RACGAP1: variants seen among roughly 807,000 people sequenced by gnomAD.
RACGAP1 encodes rac GTPase-activating protein 1.
Under a neutral mutation model 78.1 loss-of-function variants are expected in RACGAP1, and 30 were observed. The observed-to-expected ratio is 0.38, with a 90% CI of 0.29 to 0.52. RACGAP1 has a LOEUF of 0.52. RACGAP1 is among the 20% of genes least tolerant of loss of function. RACGAP1 has a pLI of 0.82. For synonymous variants in RACGAP1, 231 were observed against 264.8 expected (o/e 0.87, Z 1.24); for missense variants, 587 against 777.1 (o/e 0.76, Z 2.91).
chr12:50,011,331 C>CAAAAAAAAAAAAAA, intron 2 of RACGAP1, among the ~76,000 whole-genome samples: 1 of 71,486 alleles, frequency 1.4e-5, no homozygotes, highest in East Asian at 4.8e-4. Flanking sequence ...GAGACTGTCT[C>CAAAAAAAAAAAAAA]AAAAAAAAAA....
At chr12:50,025,085 T>C (rs1950214552) in intron 1 of RACGAP1, among the ~76,000 whole-genome samples, 1 of 151,890 alleles carries the variant, frequency 6.6e-6, no homozygotes, top group Non-Finnish European at 1.5e-5. Context: ...ACTCTTAAAC[T>C]CGTATCTGAC....
At chr12:50,003,264 G>A (rs933497926) in intron 5 of RACGAP1, among the ~76,000 whole-genome samples, 1 of 152,082 alleles carries the variant, frequency 6.6e-6, no homozygotes, top group Non-Finnish European at 1.5e-5. Flanking sequence ...ACTTCCCCAA[G>A]TCATGGTCCA....
upstream of RACGAP1, among the ~76,000 whole-genome samples, chr12:50,028,319 A>G (rs1301077330): frequency 6.6e-6 from 1 of 152,174 alleles, no homozygotes; most frequent in Non-Finnish European, 1.5e-5. Flanking sequence ...TTTCCCTTAC[A>G]CCTCAATTAC....
chr12:50,029,409 AC>A (rs1950311105), upstream of RACGAP1, among the ~76,000 whole-genome samples: 1 of 151,222 alleles, frequency 6.6e-6, no homozygotes, highest in African/African-American at 2.4e-5. Flanking sequence ...AAACAAACAA[AC>A]AAACAAAAAA....
At chr12:50,007,842 C>G (rs1365675371) in intron 2 of RACGAP1, among the ~76,000 whole-genome samples, 17 of 150,620 alleles carry the variant, frequency 1.1e-4, no homozygotes, top group Non-Finnish European at 5.9e-5. Flanking sequence ...AAAAATATTA[C>G]AATTCAAATA....
chr12:49,990,430 A>AT, intron 16 of RACGAP1, 87 bp from the exon 17 acceptor site: 1 of 1,199,278 alleles, frequency 8.3e-7, no homozygotes, highest in Non-Finnish European at 1.2e-6. Flanking sequence ...ATAACCCATT[A>AT]TAAGTAGGAA....
chr12:50,032,575 G>C (rs976658664), intron 1 of RACGAP1, among the ~76,000 whole-genome samples: 3 of 151,984 alleles, frequency 2.0e-5, no homozygotes, highest in South Asian at 2.1e-4. Flanking sequence ...GTGAAGCGGG[G>C]TGGCGTGGGG....
At chr12:50,010,687 C>T (rs545336949) in intron 2 of RACGAP1, among the ~76,000 whole-genome samples, 5 of 151,742 alleles carry the variant, frequency 3.3e-5, no homozygotes, top group South Asian at 4.2e-4. Flanking sequence ...AATCCCAGCA[C>T]TTTGGGAGGC....
chr12:50,020,344 A>AT (rs60664308), intron 1 of RACGAP1, among the ~76,000 whole-genome samples: 138,442 of 147,398 alleles, frequency 0.94, 65,438 homozygotes, highest in East Asian at 1. Flanking sequence ...GGCCCAGCTA[A>AT]TTTTTTTTTT....
At chr12:50,015,990 A>G (rs1949653599) in intron 2 of RACGAP1, among the ~76,000 whole-genome samples, 1 of 151,996 alleles carries the variant, frequency 6.6e-6, no homozygotes, top group Non-Finnish European at 1.5e-5. Context: ...AAAAAAAGAC[A>G]ACTACTACTC....
chr12:49,996,324 G>A (rs1948259125), intron 10 of RACGAP1, among the ~76,000 whole-genome samples: 1 of 150,642 alleles, frequency 6.6e-6, no homozygotes. Flanking sequence ...AAAAAAGAGA[G>A]ACATTAAAAA....
At chr12:50,016,883 T>A in intron 1 of RACGAP1, 164 bp from the exon 2 acceptor site, 1 of 1,375,524 alleles carries the variant, frequency 7.3e-7, no homozygotes, top group Non-Finnish European at 9.5e-7. Context: ...ATTCTTATTA[T>A]AAAAACAAAC....
intron 6 of RACGAP1, among the ~76,000 whole-genome samples, chr12:50,001,534 CCTAA>C (rs759915295): frequency 1.3e-5 from 2 of 152,106 alleles, no homozygotes; most frequent in Non-Finnish European, 2.9e-5. Context: ...CAGCTGTAAT[CCTAA>C]CTAAGGACAT....
intron 2 of RACGAP1, among the ~76,000 whole-genome samples, chr12:50,014,333 T>G (rs1439106850): frequency 2.0e-5 from 3 of 152,226 alleles, no homozygotes; most frequent in African/African-American, 7.2e-5. Context: ...TTATTCTTTC[T>G]TGCTAATTTA....
upstream of RACGAP1, among the ~76,000 whole-genome samples, chr12:50,028,149 A>G (rs922225397): frequency 5.3e-5 from 8 of 152,216 alleles, no homozygotes; most frequent in African/African-American, 1.9e-4. Flanking sequence ...GTAAAGGTAG[A>G]CTCTCTATTT....
Position 50,006,330 on chromosome 12 carries a change from T to C in RACGAP1, c.288+104A>G. ...AAAGAACAGGTCACTTTCAGTTCTT[T>C]AATGTGGAAGAAGAAACTAGGTATA... On this transcript the variant is annotated intron_variant, in intron 3 of 16. Coordinates refer to ENST00000312377, the MANE Select transcript of RACGAP1 (RefSeq NM_001319999.2). The C allele has an allele frequency of 2.4e-6, 3 of 1,273,500 alleles. No homozygotes were observed. In the Admixed American group the frequency reaches 5.2e-5, roughly 22 times the overall value. 78.9% of individuals were successfully genotyped at this position (1,273,500 alleles called of 1,614,324 possible).
chr12:50,011,327 GTC>G (rs1356044869), intron 2 of RACGAP1, among the ~76,000 whole-genome samples: 2 of 130,122 alleles, frequency 1.5e-5, no homozygotes, highest in Admixed American at 1.7e-4. Flanking sequence ...GAGTGAGACT[GTC>G]TCAAAAAAAA....
chr12:50,029,662 G>A (rs1428932729), upstream of RACGAP1, among the ~76,000 whole-genome samples: 1 of 152,146 alleles, frequency 6.6e-6, no homozygotes, highest in Non-Finnish European at 1.5e-5. Flanking sequence ...GGGAGGCCGA[G>A]GTGGGCAGAT....
chr12:50,017,079 C>A, intron 1 of RACGAP1: 1 of 1,014,954 alleles, frequency 9.9e-7, no homozygotes, highest in Admixed American at 5.4e-5. Context: ...ATAATTTTGC[C>A]AGTTTATTCC....
Sources: allele counts gnomAD v4.1 joint callset (sites outside exome capture counted in the v4.1 genomes callset), GRCh38; gene constraint gnomAD v4.1.1; transcripts MANE v1.5; gene names NCBI Gene and HGNC (gene_info 2026-07-23, HGNC 2026-07-21).